The following ESR1 variants were observed in gnomAD, a reference collection of about 807,000 sequenced individuals.
ESR1 encodes the protein estrogen receptor.
ESR1 carries 12 observed loss-of-function variants against 52.7 expected under a neutral mutation model. The observed-to-expected ratio is 0.23, with a 90% CI of 0.15 to 0.37. ESR1 has a LOEUF of 0.37. Among genes scored for constraint, ESR1 ranks in the 10% least tolerant of loss-of-function variants. The pLI, the probability that ESR1 is intolerant of heterozygous loss-of-function variation, is 1.00. For synonymous variants in ESR1, 305 were observed against 316.8 expected, an observed-to-expected ratio of 0.96 and a Z score of 0.39; for missense variants, 584 against 779.7, an observed-to-expected ratio of 0.75 and a Z score of 2.99.
intron 6 of ESR1, chr6:152,118,213 T>C (rs1273045709): frequency 6.6e-6 from 1 of 152,152 alleles, no homozygotes; most frequent in African/African-American, 2.4e-5. Flanking sequence ...TAGATATTGT[T>C]TCTATTAAAT....
At chr6:151,688,808 T>G (rs1582895438), upstream of ESR1, among the ~76,000 whole-genome samples, 1 of 152,180 alleles carries the variant, frequency 6.6e-6, no homozygotes, top group Admixed American at 6.5e-5. Context: ...AGGATATATG[T>G]AAATACTATG....
At chr6:151,795,778 C>A (rs1270896982) in intron 2 of ESR1, among the ~76,000 whole-genome samples, 1 of 152,102 alleles carries the variant, frequency 6.6e-6, no homozygotes, top group Non-Finnish European at 1.5e-5. Context: ...TAGGAACACA[C>A]CTAATTGCCA....
intron 4 of ESR1, among the ~76,000 whole-genome samples, chr6:151,985,533 AC>A (rs376744649): frequency 3.6e-4 from 38 of 105,384 alleles, no homozygotes; most frequent in African/African-American, 1.0e-3. Context: ...AAAAAAAAAA[AC>A]ACAAACAAAA....
intron 5 of ESR1, among the ~76,000 whole-genome samples, chr6:152,056,490 G>T (rs577624430): frequency 6.6e-6 from 1 of 152,312 alleles, no homozygotes; most frequent in East Asian, 1.9e-4. Context: ...AGATATACAA[G>T]TGAAGGTTTG....
At chr6:151,746,652 AG>A (rs2128068091) in intron 2 of ESR1, among the ~76,000 whole-genome samples, 1 of 152,330 alleles carries the variant, frequency 6.6e-6, no homozygotes, top group East Asian at 1.9e-4. Context: ...AGGTGAAAAA[AG>A]GTACTAATTA....
At chr6:151,812,093 T>A (rs1023905428) in intron 1 of ESR1, among the ~76,000 whole-genome samples, 2 of 152,110 alleles carry the variant, frequency 1.3e-5, no homozygotes, top group Non-Finnish European at 2.9e-5. Flanking sequence ...TTTAAGGATA[T>A]GTAAGACAGG....
At chr6:151,715,632 G>A (rs1780972620) in intron 2 of ESR1, among the ~76,000 whole-genome samples, 1 of 152,048 alleles carries the variant, frequency 6.6e-6, no homozygotes, top group East Asian at 1.9e-4. Flanking sequence ...TTCAGCTATT[G>A]ATACTTGTGT....
intron 4 of ESR1, among the ~76,000 whole-genome samples, chr6:151,979,566 AT>A (rs2039797871): frequency 6.6e-6 from 1 of 152,172 alleles, no homozygotes; most frequent in African/African-American, 2.4e-5. Context: ...ATAAAATCAT[AT>A]TTTAATTTAC....
intron 3 of ESR1, among the ~76,000 whole-genome samples, chr6:151,934,281 C>T (rs1272399159): frequency 1.3e-5 from 2 of 152,160 alleles, no homozygotes; most frequent in East Asian, 3.9e-4. Context: ...ACCTGCTTTC[C>T]ACTTTGTTTT....
intron 4 of ESR1, among the ~76,000 whole-genome samples, chr6:151,968,631 T>G (rs2038556269): frequency 6.6e-6 from 1 of 152,170 alleles, no homozygotes. Context: ...TTTCCAGTGG[T>G]CCATGGTGGT....
intron 2 of ESR1, among the ~76,000 whole-genome samples, chr6:151,856,455 T>A (rs1038313655): frequency 5.3e-5 from 8 of 152,204 alleles, no homozygotes; most frequent in Non-Finnish European, 1.0e-4. Flanking sequence ...AGAGTTGACA[T>A]AAACTTTTCC....
At position 151,850,668 on chromosome 6, in the gene ESR1, CCTT is replaced by C. The variant is rs528256596; in HGVS notation, c.643+7884_643+7886del. Among the ~76,000 whole-genome samples the C allele has an allele frequency of 1.6e-4, 24 of 152,258 alleles. 1 individual carries two copies. In the South Asian group the frequency reaches 4.4e-3, roughly 28 times the overall value. On this transcript the variant is annotated intron_variant, in intron 2 of 7. Transcript: ENST00000206249. Reference sequence around the variant, plus strand: ...GTGTTTCCCTCTGCCACCAGCCCCTCCTTCTGCCTGCTGTGTGTGACAGTTCCC... The same window carrying C: ...GTGTTTCCCTCTGCCACCAGCCCCTCCTGCCTGCTGTGTGTGACAGTTCCC...
chr6:152,074,785 A>T (rs2048602371), intron 6 of ESR1, among the ~76,000 whole-genome samples: 1 of 152,210 alleles, frequency 6.6e-6, no homozygotes, highest in African/African-American at 2.4e-5. Flanking sequence ...TGGCCATTCT[A>T]ACAGGTGTAT....
intron 3 of ESR1, among the ~76,000 whole-genome samples, chr6:151,898,928 C>T (rs1454789840): frequency 1.2e-4 from 19 of 152,050 alleles, no homozygotes; most frequent in Admixed American, 7.9e-4. Context: ...ACCTCCCAGA[C>T]GGGGTGGTGG....
chr6:152,015,554 C>T (rs923749522), intron 5 of ESR1, among the ~76,000 whole-genome samples: 3 of 152,144 alleles, frequency 2.0e-5, no homozygotes, highest in African/African-American at 7.2e-5. Flanking sequence ...ACGAAGTCTT[C>T]CATGATACCC....
At chr6:152,028,697 C>G (rs964058120) in intron 5 of ESR1, among the ~76,000 whole-genome samples, 3 of 152,228 alleles carry the variant, frequency 2.0e-5, no homozygotes, top group Non-Finnish European at 4.4e-5. Context: ...CTGCCTGTCT[C>G]TGTAGACTCC....
chr6:151,844,374 G>C (rs996987283), intron 2 of ESR1, among the ~76,000 whole-genome samples: 1 of 152,152 alleles, frequency 6.6e-6, no homozygotes, highest in African/African-American at 2.4e-5. Context: ...GGCAGTGAAA[G>C]AGCGTCTGAC....
chr6:151,871,224 T>C (rs1406896716), intron 2 of ESR1, among the ~76,000 whole-genome samples: 2 of 151,768 alleles, frequency 1.3e-5, no homozygotes, highest in African/African-American at 4.8e-5. Context: ...CCAAAAGCTA[T>C]TGAAATTTAA....
chr6:151,861,122 G>T (rs886382675), intron 2 of ESR1, among the ~76,000 whole-genome samples: 1 of 152,086 alleles, frequency 6.6e-6, no homozygotes, highest in Admixed American at 6.6e-5. Flanking sequence ...AATTAAATTT[G>T]GTTGGATGTA....
Sources: allele counts gnomAD v4.1 joint callset (sites outside exome capture counted in the v4.1 genomes callset), GRCh38; gene constraint gnomAD v4.1.1; transcripts MANE v1.5; gene names NCBI Gene and HGNC (gene_info 2026-07-23, HGNC 2026-07-21).